The following ARID1B variants were observed in gnomAD, a reference collection of about 807,000 sequenced individuals.
ARID1B encodes the protein AT-rich interactive domain-containing protein 1B.
Under a neutral mutation model 212.3 loss-of-function variants are expected in ARID1B, and 30 were observed. The ratio of observed to expected loss-of-function variants is 0.14; its 90% CI spans 0.11 to 0.19. ARID1B has a LOEUF of 0.19. Among genes scored for constraint, ARID1B ranks in the 10% least tolerant of loss-of-function variants. The probability of loss-of-function intolerance (pLI) is 1.00; values close to 1 mark genes in which losing one functional copy is unlikely to be tolerated. For synonymous variants in ARID1B, 1,402 were observed against 1,301.7 expected (o/e 1.08, Z -1.66); for missense variants, 2,891 against 3,204.0 (o/e 0.90, Z 2.36).
chr6:156,919,889 C>G (rs1368842294), intron 3 of ARID1B, among the ~76,000 whole-genome samples: 1 of 152,170 alleles, frequency 6.6e-6, no homozygotes, highest in Non-Finnish European at 1.5e-5. Flanking sequence ...CTTCAAACAC[C>G]TTAAGAGGAG....
intron 6 of ARID1B, among the ~76,000 whole-genome samples, chr6:157,118,118 T>C (rs1562631995): frequency 6.6e-6 from 1 of 152,252 alleles, no homozygotes; most frequent in Non-Finnish European, 1.5e-5. Flanking sequence ...ATGTGAAAAT[T>C]ACTCTTGAAT....
rs571956064 is a variant in ARID1B at position 156,994,428 on chromosome 6, T to C, written c.2247+58852T>C. On this transcript the variant is annotated intron_variant, in intron 4 of 19. Transcript: ENST00000636930. ...CCCTCTGATTGTTTCCGGATCTCCA[T>C]AGAAGAATTTACGAGGCTCCGTTAT... Among the ~76,000 whole-genome samples, 10 of 152,140 alleles carry C rather than the reference T, an allele frequency of 6.6e-5. No homozygotes were observed. In the East Asian group the frequency reaches 7.7e-4, roughly 12 times the overall value.
At chr6:157,145,098 CTGT>C (rs112633375) in intron 7 of ARID1B, among the ~76,000 whole-genome samples, 5 of 152,146 alleles carry the variant, frequency 3.3e-5, no homozygotes, top group African/African-American at 9.7e-5. Context: ...TTCCTCAGAT[CTGT>C]TGTTGTGCTC....
intron 12 of ARID1B, 63 bp downstream of exon 12, chr6:157,181,241 T>C: frequency 6.4e-7 from 1 of 1,568,678 alleles, no homozygotes. Context: ...TACAGTGGCT[T>C]TCTTTGAATG....
intron 2 of ARID1B, among the ~76,000 whole-genome samples, chr6:156,864,819 G>A (rs1785570376): frequency 6.6e-6 from 1 of 152,002 alleles, no homozygotes; most frequent in African/African-American, 2.4e-5. Context: ...CGGAATTGTG[G>A]TTTGATCAGT....
In ARID1B at chr6:157,189,794, ACT is replaced by A; in HGVS notation, c.4058+17_4058+18del. 6.2e-7 allele frequency: 1 copy of A among 1,612,796 alleles called. No individual in the cohort carries two copies. The highest frequency in any genetic ancestry group is 8.5e-7 in the Non-Finnish European group (1 of 1,179,746). ...GCAAGGTGGAAGGTATGTTCAAATA[ACT>A]CTGTGAGGCATACAAAGTCACATTT... is the stretch of plus-strand genomic sequence containing the variant. On this transcript the variant is annotated intron_variant, in intron 14 of 19. Coordinates refer to ENST00000636930, the MANE Select transcript of ARID1B (RefSeq NM_001374828.1).
At chr6:156,892,060 CTTTTT>C (rs1194745302) in intron 2 of ARID1B, among the ~76,000 whole-genome samples, 1 of 64,442 alleles carries the variant, frequency 1.6e-5, no homozygotes, top group Non-Finnish European at 3.3e-5. Flanking sequence ...TTTTTTTTTT[CTTTTT>C]TTTTTTGTAT....
At chr6:157,029,774 C>T (rs1360879086) in intron 4 of ARID1B, among the ~76,000 whole-genome samples, 2 of 152,154 alleles carry the variant, frequency 1.3e-5, no homozygotes, top group Non-Finnish European at 2.9e-5. Flanking sequence ...GGTGGCAGGA[C>T]CGAGGACCTG....
chr6:156,946,792 C>T (rs941557729), intron 4 of ARID1B, among the ~76,000 whole-genome samples: 6 of 152,038 alleles, frequency 3.9e-5, no homozygotes, highest in Admixed American at 1.3e-4. Context: ...CACAGGGAAA[C>T]GGTGGTGGGA....
intron 2 of ARID1B, among the ~76,000 whole-genome samples, chr6:156,887,911 G>T (rs1441534923): frequency 6.6e-6 from 1 of 152,170 alleles, no homozygotes; most frequent in Non-Finnish European, 1.5e-5. Context: ...CCCCTACAAG[G>T]CTCCCCTTCC....
At chr6:157,016,470 T>C (rs141091388) in intron 4 of ARID1B, among the ~76,000 whole-genome samples, 1 of 152,364 alleles carries the variant, frequency 6.6e-6, no homozygotes, top group East Asian at 1.9e-4. Context: ...AGTCCTTGAA[T>C]AATATTGTTT....
intron 4 of ARID1B, among the ~76,000 whole-genome samples, chr6:156,991,754 A>G (rs1423867528): frequency 6.6e-6 from 1 of 152,224 alleles, no homozygotes; most frequent in Non-Finnish European, 1.5e-5. Context: ...GTAATAAATT[A>G]TTCTAAACGT....
chr6:156,977,916 T>C (rs2128366149), intron 4 of ARID1B, among the ~76,000 whole-genome samples: 1 of 152,318 alleles, frequency 6.6e-6, no homozygotes, highest in African/African-American at 2.4e-5. Flanking sequence ...GCACTGATTC[T>C]GCCCACTTTT....
rs752561548 is a variant in ARID1B, at chr6:157,200,690, T to C, written c.4480-15T>C. On this transcript the variant is annotated splice_polypyrimidine_tract_variant and intron_variant, in intron 17 of 19. Transcript: ENST00000636930. This position sits in a 1 kb window ranked among gnomAD's most constrained non-coding sequence, Gnocchi z 4.3. ...AAGAGCACATCAGGATGATTTGTCT[T>C]TCTGTGAATTCCAGAATTACAAACG... 3 of 1,584,572 alleles carry C rather than the reference T, an allele frequency of 1.9e-6. No homozygotes were observed. The East Asian group carries it at 6.7e-5, about 36-fold the overall frequency.
intron 2 of ARID1B, among the ~76,000 whole-genome samples, chr6:156,836,191 T>C (rs287919): frequency 0.65 from 98,912 of 151,944 alleles, 32,662 homozygotes; most frequent in African/African-American, 0.73. Flanking sequence ...AAAGTTAAAG[T>C]GATTAAGTGA....
At chr6:157,114,212 T>C (rs1259133849) in intron 6 of ARID1B, among the ~76,000 whole-genome samples, 1 of 152,002 alleles carries the variant, frequency 6.6e-6, no homozygotes, top group African/African-American at 2.4e-5. Context: ...CATTAGTGAG[T>C]TAGTATCTTT....
At position 156,858,540 on chromosome 6, in the gene ARID1B, C is replaced by G. The variant is rs147078030; in HGVS notation, c.1986+29119C>G. On this transcript the variant is annotated intron_variant, in intron 2 of 19. Coordinates refer to ENST00000636930, the MANE Select transcript of ARID1B (RefSeq NM_001374828.1). ...TAGCACTTTGGGAGGCCACGGTGGT[C>G]AGATCACTTGAGGTCAGGAGTTCAA... Among the ~76,000 whole-genome samples, 82 of 152,268 alleles carry G rather than the reference C, an allele frequency of 5.4e-4. 1 individual carries two copies. In the East Asian group the frequency reaches 0.012, roughly 23 times the overall value.
chr6:156,841,158 C>T (rs1310279624), intron 2 of ARID1B, among the ~76,000 whole-genome samples: 3 of 152,232 alleles, frequency 2.0e-5, no homozygotes, highest in Non-Finnish European at 4.4e-5. Context: ...GCACAGTTCA[C>T]ATCCATGTTT....
At chr6:156,879,917 G>GC (rs1169898249) in intron 2 of ARID1B, among the ~76,000 whole-genome samples, 3 of 152,220 alleles carry the variant, frequency 2.0e-5, no homozygotes, top group Non-Finnish European at 4.4e-5. Flanking sequence ...AGCAAAAACT[G>GC]CAACAAAATC....
Sources: allele counts gnomAD v4.1 joint callset (sites outside exome capture counted in the v4.1 genomes callset), GRCh38; gene constraint gnomAD v4.1.1; non-coding constraint Gnocchi (gnomAD v3.1); transcripts MANE v1.5; gene names NCBI Gene and HGNC (gene_info 2026-07-23, HGNC 2026-07-21).